Variants in SYNJ2 observed in about 807,000 individuals in gnomAD.
SYNJ2 encodes the protein polyphosphatidylinositol phosphatase SYNJ2.
Under a neutral mutation model 141.3 loss-of-function variants are expected in SYNJ2, and 116 were observed. The observed-to-expected ratio is 0.82, with a 90% CI of 0.71 to 0.96. The LOEUF is 0.96. SYNJ2 is among the 40% of genes least tolerant of loss of function. The pLI is 0.00. For missense variants in SYNJ2, 1,873 were observed against 1,934.8 expected, an observed-to-expected ratio of 0.97 and a Z score of 0.60; for synonymous variants, 745 against 777.7, an observed-to-expected ratio of 0.96 and a Z score of 0.70.
Position 158,092,969 on chromosome 6 carries a change from T to C in SYNJ2, c.3609T>C (p.Leu1203=). 8.1e-6 allele frequency: 13 copies of C among 1,610,922 alleles called. No homozygotes were observed. Among genetic ancestry groups the C allele is most frequent in the Non-Finnish European group, 1.0e-5 (12 of 1,179,252 alleles). ...TAAGTGCCGTGGCCCCAAGGGACCT[T>C]GAAGCATCCTCTGAACCAGAGCCCA... ...EALSAVAPRD[L]EASSEPEPTP... The change falls in exon 26 of 27, where the codon CTT becomes CTC. Residue 1203 remains leucine (L), a synonymous_variant. Transcript: ENST00000355585.
intron 6 of SYNJ2, among the ~76,000 whole-genome samples, chr6:158,058,087 A>G (rs532943436): frequency 6.6e-6 from 1 of 152,342 alleles, no homozygotes; most frequent in East Asian, 1.9e-4. Flanking sequence ...TTTCATGATC[A>G]TTATTAGCTC....
intron 8 of SYNJ2, 116 bp from the exon 9 acceptor site, chr6:158,063,675 A>C (rs1041539605): frequency 1.9e-5 from 12 of 626,962 alleles, no homozygotes; most frequent in South Asian, 4.0e-5. Flanking sequence ...AAAAAAAAAA[A>C]AAAAAAAAAA....
At chr6:158,026,617 G>C (rs922258645) in intron 2 of SYNJ2, among the ~76,000 whole-genome samples, 2 of 152,200 alleles carry the variant, frequency 1.3e-5, no homozygotes, top group Non-Finnish European at 1.5e-5. Flanking sequence ...CCAGGCCGTG[G>C]TCCTGCCCAG....
chr6:158,076,989 CCTTTT>C (rs890199099), intron 17 of SYNJ2, among the ~76,000 whole-genome samples: 5 of 151,706 alleles, frequency 3.3e-5, no homozygotes, highest in Non-Finnish European at 7.4e-5. Context: ...TCTTTTTTTC[CCTTTT>C]CTTTTCTTTT....
intron 5 of SYNJ2, among the ~76,000 whole-genome samples, chr6:158,050,533 G>A (rs1159187103): frequency 1.3e-5 from 2 of 152,244 alleles, no homozygotes; most frequent in Admixed American, 1.3e-4. Context: ...GCCTGTGACA[G>A]TTGGGCCCAG....
In SYNJ2 at chr6:158,081,978, G is replaced by A. The variant is rs71563732; in HGVS notation, c.2865+468G>A. On this transcript the variant is annotated intron_variant, in intron 20 of 26. Coordinates refer to ENST00000355585, the MANE Select transcript of SYNJ2 (RefSeq NM_003898.4). Reference sequence around the variant, plus strand: ...CACCAATCTGTCTTTATGTATAGACGCCATATGCGGGAGGGAGTTTGGATT... The same window carrying A: ...CACCAATCTGTCTTTATGTATAGACACCATATGCGGGAGGGAGTTTGGATT... 1.0e-2 allele frequency among the ~76,000 whole-genome samples: 1,515 copies of A among 152,170 alleles called. 29 individuals are homozygous for A. The highest frequency in any genetic ancestry group is 0.034 in the African/African-American group (1,417 of 41,508).
At chr6:158,022,283 C>T (rs1353756855) in intron 2 of SYNJ2, among the ~76,000 whole-genome samples, 2 of 152,160 alleles carry the variant, frequency 1.3e-5, no homozygotes, top group African/African-American at 2.4e-5. Context: ...TTGGCACAGA[C>T]CAGGCTGGGA....
intron 1 of SYNJ2, among the ~76,000 whole-genome samples, chr6:158,013,376 C>CAA: frequency 6.7e-6 from 1 of 149,356 alleles, no homozygotes; most frequent in East Asian, 2.0e-4. Context: ...GCGAGACTGT[C>CAA]AAAAAAAAAA....
intron 2 of SYNJ2, among the ~76,000 whole-genome samples, chr6:158,024,850 C>T (rs1208900358): frequency 6.6e-6 from 1 of 152,186 alleles, no homozygotes; most frequent in Non-Finnish European, 1.5e-5. Flanking sequence ...CAATGAGTAT[C>T]ACGTTACTGT....
chr6:158,029,877 A>G (rs1301208205), intron 3 of SYNJ2, among the ~76,000 whole-genome samples: 1 of 152,182 alleles, frequency 6.6e-6, no homozygotes, highest in Non-Finnish European at 1.5e-5. Flanking sequence ...TGAGGCACGA[A>G]TAGTCGAGGG....
rs1783067457 is a variant in SYNJ2, at chr6:158,086,831, C to G, written c.3209-24C>G. ...CTCACGTGTGGAACAGACCATTGTA[C>G]TCATGCCCCGCCATGTCCTCCAGAT... On this transcript the variant is annotated intron_variant, in intron 22 of 26. Coordinates refer to ENST00000355585, the MANE Select transcript of SYNJ2 (RefSeq NM_003898.4). The G allele has an allele frequency of 2.5e-6, 4 of 1,609,976 alleles. No homozygotes were observed. The East Asian group carries it at 8.9e-5, about 36-fold the overall frequency.
At chr6:158,049,508 T>G (rs1354128473) in intron 5 of SYNJ2, among the ~76,000 whole-genome samples, 1 of 152,204 alleles carries the variant, frequency 6.6e-6, no homozygotes, top group Non-Finnish European at 1.5e-5. Context: ...CCTCCACTTT[T>G]GCCCAAGGCC....
rs1777044537 is a variant in SYNJ2, at chr6:157,982,324, C to T, written c.127+236C>T. ...CCGGCCGCCCCTCCACGGGGATCTC[C>T]GGCCCGCGCCGCCAGAGGATATGGT... On this transcript the variant is annotated intron_variant, in intron 1 of 26. Transcript: ENST00000355585. The surrounding 1 kb of genome is among the most constrained non-coding windows in gnomAD (Gnocchi z 4.0). 1.3e-5 allele frequency among the ~76,000 whole-genome samples: 2 copies of T among 152,304 alleles called. No individual in the cohort carries two copies. The highest frequency in any genetic ancestry group is 4.1e-4 in the South Asian group (2 of 4,822).
intron 1 of SYNJ2, among the ~76,000 whole-genome samples, chr6:157,987,426 A>G (rs1777246998): frequency 6.6e-6 from 1 of 152,016 alleles, no homozygotes. Flanking sequence ...TTTGAGGTGG[A>G]GTCTTGCTCT....
intron 1 of SYNJ2, among the ~76,000 whole-genome samples, chr6:158,012,064 T>C (rs1583314985): frequency 6.6e-6 from 1 of 152,138 alleles, no homozygotes; most frequent in East Asian, 1.9e-4. Flanking sequence ...TTTCTGCCTG[T>C]GAAGTTGGGG....
intron 1 of SYNJ2, among the ~76,000 whole-genome samples, chr6:157,997,113 T>C (rs936270769): frequency 6.9e-6 from 1 of 145,886 alleles, no homozygotes; most frequent in African/African-American, 2.5e-5. Context: ...ACACCAACTG[T>C]CTCTGCCCCA....
intron 26 of SYNJ2, chr6:158,093,845 C>T (rs780220287): frequency 1.3e-6 from 1 of 761,230 alleles, no homozygotes. Flanking sequence ...GCGGCCTCAG[C>T]CTACGAGAGG....
At chr6:158,045,764 C>G (rs1164207807) in intron 5 of SYNJ2, among the ~76,000 whole-genome samples, 4 of 152,130 alleles carry the variant, frequency 2.6e-5, no homozygotes, top group African/African-American at 9.7e-5. Context: ...TTGGTCTTAC[C>G]TTGACCTTCG....
chr6:158,088,984 A>G (rs1202929874), intron 24 of SYNJ2, among the ~76,000 whole-genome samples: 3 of 152,168 alleles, frequency 2.0e-5, no homozygotes, highest in Non-Finnish European at 2.9e-5. Context: ...CTTTTGATGA[A>G]AAATCCCAAA....
Sources: gnomAD v4.1 joint callset for allele counts (sites outside exome capture counted in the v4.1 genomes callset) on GRCh38, gnomAD v4.1.1 for gene constraint, Gnocchi (gnomAD v3.1) non-coding constraint, MANE v1.5 for transcripts, NCBI Gene and HGNC (gene_info 2026-07-23, HGNC 2026-07-21) for gene names.